Variants in NBAS observed in about 807,000 individuals in gnomAD.
NBAS encodes NBAS subunit of NRZ tethering complex.
NBAS carries 219 observed loss-of-function variants against 302.5 expected under a neutral mutation model. The ratio of observed to expected loss-of-function variants is 0.72; its 90% confidence interval spans 0.65 to 0.81. NBAS has a LOEUF of 0.81. NBAS is among the 30% of genes least tolerant of loss of function. The probability of loss-of-function intolerance (pLI) is 0.00; values close to 1 mark genes in which losing one functional copy is unlikely to be tolerated. For synonymous variants in NBAS, 1,118 were observed against 1,021.6 expected (o/e 1.09, Z -1.80); for missense variants, 2,932 against 2,841.6 (o/e 1.03, Z -0.72).
Position 15,467,649 on chromosome 2 carries a change from T to A in NBAS, c.2018+15A>T. 1 of 1,608,160 alleles carries A rather than the reference T, an allele frequency of 6.2e-7. No homozygotes were observed. The highest frequency in any genetic ancestry group is 1.3e-5 in the African/African-American group (1 of 74,926). On this transcript the variant is annotated intron_variant, in intron 18 of 51. Transcript: ENST00000281513. ...TTTAAAGAAACTATCAAATGAACAG[T>A]AACAACTCATTTACTTGGAAAAGTT...
At chr2:15,292,948 C>G (rs1219326282) in intron 40 of NBAS, among the ~76,000 whole-genome samples, 182 bp from the exon 41 acceptor site, 2 of 152,162 alleles carry the variant, frequency 1.3e-5, no homozygotes, top group Non-Finnish European at 2.9e-5. Flanking sequence ...ACCCAGTTAG[C>G]AGACCACAAA....
intron 40 of NBAS, among the ~76,000 whole-genome samples, chr2:15,306,367 GT>G (rs754892194): frequency 6.6e-6 from 1 of 152,204 alleles, no homozygotes; most frequent in Non-Finnish European, 1.5e-5. Context: ...CCTGTTTCTT[GT>G]CCAAATGCTG....
chr2:14,940,932 C>T, the NBAS span, among the ~76,000 whole-genome samples: 2 of 152,210 alleles, frequency 1.3e-5, no homozygotes, highest in Admixed American at 6.5e-5. Flanking sequence ...ATGGTAAATC[C>T]TCTTTTTATC....
chr2:14,938,337 A>C, the NBAS span, among the ~76,000 whole-genome samples: 1 of 152,158 alleles, frequency 6.6e-6, no homozygotes, highest in Non-Finnish European at 1.5e-5. Context: ...TCACCCCCAT[A>C]TTCATCCTCA....
At chr2:15,197,183 T>C (rs1665663626) in intron 48 of NBAS, among the ~76,000 whole-genome samples, 1 of 152,210 alleles carries the variant, frequency 6.6e-6, no homozygotes, top group Non-Finnish European at 1.5e-5. Context: ...GCCGTCTCAA[T>C]GCTATGTATA....
the NBAS span, among the ~76,000 whole-genome samples, chr2:14,947,940 GAACC>G: frequency 1.3e-5 from 2 of 151,870 alleles, no homozygotes; most frequent in Non-Finnish European, 2.9e-5. Context: ...TGCATATGTT[GAACC>G]ATTCTTGCAT....
At chr2:15,203,889 CTT>C (rs1666009155) in intron 48 of NBAS, among the ~76,000 whole-genome samples, 1 of 59,000 alleles carries the variant, frequency 1.7e-5, no homozygotes, top group East Asian at 7.8e-4. Flanking sequence ...TGTGTGTGTG[CTT>C]GTGTGTGTGT....
chr2:15,228,049 A>G (rs904914797), intron 47 of NBAS, among the ~76,000 whole-genome samples: 1 of 152,224 alleles, frequency 6.6e-6, no homozygotes, highest in Non-Finnish European at 1.5e-5. Context: ...AAGTGAAGAG[A>G]CAGCCTACAG....
chr2:15,047,137 G>C, the NBAS span, among the ~76,000 whole-genome samples: 1 of 152,212 alleles, frequency 6.6e-6, no homozygotes, highest in African/African-American at 2.4e-5. Flanking sequence ...AGTGATGAGG[G>C]TCCTGCCTAA....
the NBAS span, among the ~76,000 whole-genome samples, chr2:14,994,645 G>A: frequency 5.9e-5 from 9 of 152,128 alleles, no homozygotes; most frequent in Admixed American, 1.3e-4. Context: ...TCCACCTTCC[G>A]GGCATGCCAG....
the NBAS span, among the ~76,000 whole-genome samples, chr2:14,800,751 C>T: frequency 6.9e-6 from 1 of 145,750 alleles, no homozygotes; most frequent in Non-Finnish European, 1.5e-5. Flanking sequence ...TAATTATTTT[C>T]ACTTTAAACA....
At chr2:15,230,151 T>A (rs1193310368) in intron 47 of NBAS, among the ~76,000 whole-genome samples, 1 of 152,122 alleles carries the variant, frequency 6.6e-6, no homozygotes, top group Non-Finnish European at 1.5e-5. Context: ...GGCTGTCATG[T>A]CATGCCAAGG....
chr2:15,259,834 A>G (rs575661284), intron 44 of NBAS, among the ~76,000 whole-genome samples: 10 of 152,316 alleles, frequency 6.6e-5, no homozygotes, highest in African/African-American at 2.2e-4. Flanking sequence ...AGTGTTGAAA[A>G]AGTATTCTGC....
At chr2:15,397,517 T>C (rs13017859) in intron 26 of NBAS, 391,190 of 588,154 alleles carry the variant, frequency 0.67, 133,284 homozygotes, top group Middle Eastern at 0.72. Flanking sequence ...GCAGGCTTCA[T>C]GATATCAATT....
the NBAS span, among the ~76,000 whole-genome samples, chr2:14,872,381 A>G: frequency 6.6e-6 from 1 of 152,104 alleles, no homozygotes; most frequent in Non-Finnish European, 1.5e-5. Flanking sequence ...TTATTACTAC[A>G]TCTACACAAA....
At chr2:15,279,182 C>A (rs900940462) in intron 42 of NBAS, among the ~76,000 whole-genome samples, 1 of 151,976 alleles carries the variant, frequency 6.6e-6, no homozygotes, top group Non-Finnish European at 1.5e-5. Flanking sequence ...AACAACATGC[C>A]AAAAGGAGGA....
At chr2:15,347,988 A>C (rs1315480634) in intron 35 of NBAS, among the ~76,000 whole-genome samples, 1 of 152,242 alleles carries the variant, frequency 6.6e-6, no homozygotes, top group Admixed American at 6.5e-5. Context: ...CATTATTTTC[A>C]CAAGTGAAGT....
chr2:15,145,305 G>A, the NBAS span, among the ~76,000 whole-genome samples: 4 of 151,952 alleles, frequency 2.6e-5, no homozygotes, highest in African/African-American at 7.3e-5. Context: ...TCTAAGCCCT[G>A]TGCTTTTACA....
At chr2:15,375,114 G>A (rs1198487857) in intron 30 of NBAS, among the ~76,000 whole-genome samples, 1 of 152,090 alleles carries the variant, frequency 6.6e-6, no homozygotes, top group African/African-American at 2.4e-5. Flanking sequence ...TCCCTTCTAC[G>A]AAAAACAGAA....
Sources: gnomAD v4.1 joint callset for allele counts (sites outside exome capture counted in the v4.1 genomes callset) on GRCh38, gnomAD v4.1.1 for gene constraint, MANE v1.5 for transcripts, NCBI Gene and HGNC (gene_info 2026-07-23, HGNC 2026-07-21) for gene names.